LLPH: variants seen among roughly 807,000 people sequenced by gnomAD.
The protein encoded by LLPH is protein LLP homolog.
Under a neutral mutation model 13.3 loss-of-function variants are expected in LLPH, and 5 were observed. That is an observed-to-expected ratio of 0.38 (90% CI 0.20 to 0.79). LLPH has a LOEUF of 0.79. Among genes scored for constraint, LLPH ranks in the 30% least tolerant of loss-of-function variants. The pLI is 0.45. For missense variants in LLPH, 129 were observed against 152.1 expected (o/e 0.85, Z 0.80); for synonymous variants, 32 against 44.2 (o/e 0.72, Z 1.09).
Position 66,128,698 on chromosome 12 carries a change from G to A in LLPH, c.211+198C>T, listed in dbSNP as rs113257787. 5.1e-3 allele frequency among the ~76,000 whole-genome samples: 771 copies of A among 151,958 alleles called. 2 individuals are homozygous for A. The highest frequency in any genetic ancestry group is 8.7e-3 in the Non-Finnish European group (594 of 67,942). On this transcript the variant is annotated intron_variant, in intron 2 of 2. Transcript: ENST00000266604. ...TTTGTTTTTAAATGAAGCGCAGAGG[G>A]GCTGGGCACTGTGGTTCATGCCTGT... is the stretch of plus-strand genomic sequence containing the variant.
In LLPH at chr12:66,119,791, C is replaced by T. The variant is rs535513192; in HGVS notation, c.*4049G>A. On this transcript the variant is annotated 3_prime_UTR_variant, in exon 3 of 3. Coordinates refer to ENST00000266604, the MANE Select transcript of LLPH (RefSeq NM_032338.4). ...TACACATTGCTGCCCCTCACCATCACCACCAGTCCATTTCAGATATTTGAT... is the reference window on the plus strand; with the variant it reads ...TACACATTGCTGCCCCTCACCATCATCACCAGTCCATTTCAGATATTTGAT... 3.3e-5 allele frequency: 5 copies of T among 152,212 alleles called. No homozygotes were observed. Among genetic ancestry groups the T allele is most frequent in the Non-Finnish European group, 7.3e-5 (5 of 68,036 alleles). 9.4% of individuals were successfully genotyped at this position (152,212 alleles called of 1,614,324 possible). A position where few individuals can be genotyped will look rare whatever the true frequency, so the allele number is the denominator to read the frequency against.
intron 2 of LLPH, among the ~76,000 whole-genome samples, chr12:66,127,192 T>C (rs932472606): frequency 6.6e-6 from 1 of 151,990 alleles, no homozygotes; most frequent in African/African-American, 2.4e-5. Context: ...GCAATTCCAC[T>C]TATCAAACAA....
chr12:66,129,244 C>T (rs961984961), intron 1 of LLPH, 131 bp from the exon 2 acceptor site: 3 of 646,190 alleles, frequency 4.6e-6, no homozygotes, highest in Non-Finnish European at 5.5e-6. Context: ...TCAATCTGTT[C>T]ACTTTTTAGG....
intron 2 of LLPH, among the ~76,000 whole-genome samples, chr12:66,126,243 G>A (rs189131988): frequency 4.4e-4 from 67 of 150,966 alleles, no homozygotes; most frequent in Admixed American, 1.9e-3. Context: ...AGAATGGCGC[G>A]AACCCGGGAG....
At chr12:66,130,274 C>G (rs2051526618) in intron 1 of LLPH, among the ~76,000 whole-genome samples, 1 of 152,280 alleles carries the variant, frequency 6.6e-6, no homozygotes, top group South Asian at 2.1e-4. Flanking sequence ...ACCCTCTCCC[C>G]AGACTGTAGA....
rs1381081652 is a variant in LLPH, at chr12:66,119,573, T to C, written c.*4267A>G. On this transcript the variant is annotated 3_prime_UTR_variant, in exon 3 of 3. Transcript: ENST00000266604. ...GTTTTTATTAATACATGCAGGCAAA[T>C]AGAGGGAAAAAGACATATATTTTGT... is the stretch of plus-strand genomic sequence containing the variant. 1 of 152,192 alleles carries C rather than the reference T, an allele frequency of 6.6e-6. No homozygotes were observed. The highest frequency in any genetic ancestry group is 1.5e-5 in the Non-Finnish European group (1 of 68,026). The allele number at this position is 152,192 out of a possible 1,614,324, so 9.4% of individuals were successfully genotyped here.
chr12:66,116,607 A>G lies in LLPH; in HGVS notation c.*7233T>C, dbSNP rs1035118298. On this transcript the variant is annotated 3_prime_UTR_variant, in exon 3 of 3. Transcript: ENST00000266604. The stretch of plus-strand genomic sequence containing the variant: ...GATCAGAAATACCACATGTACTAAC[A>G]GTTGCTGTACAATGATACACAACAC... The G allele has an allele frequency of 1.3e-5, 2 of 152,248 alleles. No homozygotes were observed. Among genetic ancestry groups the G allele is most frequent in the Admixed American group, 1.3e-4 (2 of 15,284 alleles). The allele number at this position is 152,248 out of a possible 1,614,324, so 9.4% of individuals were successfully genotyped here. A position where few individuals can be genotyped will look rare whatever the true frequency, so the allele number is the denominator to read the frequency against.
In LLPH at chr12:66,123,961, T is replaced by C. The variant is rs2051480606; in HGVS notation, c.269A>G (p.His90Arg). ...GTTCATCCATATTGGGTACTGTCCA[T>C]GCTGGTCTAGAAGAGTCTTTTTGTT... is the stretch of plus-strand genomic sequence containing the variant. Reference protein sequence around the residue: ...KRNKKTLLDQHGQYPIWMNQR... With the variant: ...KRNKKTLLDQRGQYPIWMNQR... Residue 90 changes from histidine (H) to arginine (R), a missense_variant, in exon 3 of 3, where the codon CAT becomes CGT. His to Arg is a conservative substitution (Grantham distance 29). Transcript: ENST00000266604. The C allele has an allele frequency of 2.5e-6, 4 of 1,612,994 alleles. No homozygotes were observed. The highest frequency in any genetic ancestry group is 1.3e-5 in the African/African-American group (1 of 75,016).
In LLPH at chr12:66,116,944, A is replaced by C. The variant is rs2051431808; in HGVS notation, c.*6896T>G. 6.6e-6 allele frequency: 1 copy of C among 152,224 alleles called. No homozygotes were observed. The highest frequency in any genetic ancestry group is 1.5e-5 in the Non-Finnish European group (1 of 68,038). 9.4% of individuals were successfully genotyped at this position (152,224 alleles called of 1,614,324 possible). ...CTTAATGGAACGAATACCAGACCTA[A>C]CATTAACAAAATTAAAGAGATTTCA... On this transcript the variant is annotated 3_prime_UTR_variant, in exon 3 of 3. Coordinates refer to ENST00000266604, the MANE Select transcript of LLPH (RefSeq NM_032338.4).
intron 1 of LLPH, 142 bp downstream of exon 1, chr12:66,130,563 C>A (rs1394016273): frequency 5.3e-5 from 8 of 152,366 alleles, no homozygotes; most frequent in Non-Finnish European, 4.4e-5. Flanking sequence ...GCAAGGGGAA[C>A]CCTCGCCCTC....
rs1491142705 is a variant in LLPH, at chr12:66,120,941, T to TGC, written c.*2898_*2899insGC. On this transcript the variant is annotated 3_prime_UTR_variant, in exon 3 of 3. Transcript: ENST00000266604. ...GTGCCTTAGAGGGTACTGACAACAC[T>TGC]GTGTCAGTAAACTTCTCTTCAGCAG... is the stretch of plus-strand genomic sequence containing the variant. 1 of 152,188 alleles carries TGC rather than the reference T, an allele frequency of 6.6e-6. No homozygotes were observed. Among genetic ancestry groups the TGC allele is most frequent in the Non-Finnish European group, 1.5e-5 (1 of 68,044 alleles). The allele number at this position is 152,188 out of a possible 1,614,324, so 9.4% of individuals were successfully genotyped here. A position where few individuals can be genotyped will look rare whatever the true frequency, so the allele number is the denominator to read the frequency against.
chr12:66,129,122 A>G lies in LLPH; in HGVS notation c.-7-9T>C. The G allele has an allele frequency of 6.4e-7, 1 of 1,550,406 alleles. No individual in the cohort carries two copies. Among genetic ancestry groups the G allele is most frequent in the Non-Finnish European group, 8.8e-7 (1 of 1,131,190 alleles). ...TTTTAGCCATGTTTTACCTGAAGTT[A>G]ACAAAAACACACATTCAAAAGCAAA... On this transcript the variant is annotated splice_polypyrimidine_tract_variant and intron_variant, in intron 1 of 2. Coordinates refer to ENST00000266604, the MANE Select transcript of LLPH (RefSeq NM_032338.4).
At position 66,120,418 on chromosome 12, in the gene LLPH, T is replaced by G. The variant is rs749296034; in HGVS notation, c.*3422A>C. The G allele has an allele frequency of 4.6e-5, 7 of 152,250 alleles. No individual in the cohort carries two copies. Among genetic ancestry groups the G allele is most frequent in the South Asian group, 4.1e-4 (2 of 4,836 alleles). The allele number at this position is 152,250 out of a possible 1,614,324, so 9.4% of individuals were successfully genotyped here. A position where few individuals can be genotyped will look rare whatever the true frequency, so the allele number is the denominator to read the frequency against. On this transcript the variant is annotated 3_prime_UTR_variant, in exon 3 of 3. Transcript: ENST00000266604. ...ATCCCAGATTTCAGTTTTAGTTGTA[T>G]GGCCTGTGTGCCTCAGTTTCCCCAT... is the stretch of plus-strand genomic sequence containing the variant.
In LLPH at chr12:66,121,712, C is replaced by T. The variant is rs886727233; in HGVS notation, c.*2128G>A. 1 of 151,662 alleles carries T rather than the reference C, an allele frequency of 6.6e-6. No individual in the cohort carries two copies. Among genetic ancestry groups the T allele is most frequent in the Non-Finnish European group, 1.5e-5 (1 of 68,034 alleles). The allele number at this position is 151,662 out of a possible 1,614,324, so 9.4% of individuals were successfully genotyped here. A position where few individuals can be genotyped will look rare whatever the true frequency, so the allele number is the denominator to read the frequency against. On this transcript the variant is annotated 3_prime_UTR_variant, in exon 3 of 3. Transcript: ENST00000266604. ...CCAGCCTGGGCAACATGGCGAAACCCTGTCTCTACAAAAATACAAAAATTA... is the reference window on the plus strand; with the variant it reads ...CCAGCCTGGGCAACATGGCGAAACCTTGTCTCTACAAAAATACAAAAATTA...
At position 66,118,573 on chromosome 12, in the gene LLPH, A is replaced by C. The variant is rs1364237829; in HGVS notation, c.*5267T>G. 1 of 152,084 alleles carries C rather than the reference A, an allele frequency of 6.6e-6. No individual in the cohort carries two copies. Among genetic ancestry groups the C allele is most frequent in the Non-Finnish European group, 1.5e-5 (1 of 68,022 alleles). 9.4% of individuals were successfully genotyped at this position (152,084 alleles called of 1,614,324 possible). A position where few individuals can be genotyped will look rare whatever the true frequency, so the allele number is the denominator to read the frequency against. ...ACACAAATACTTCCCATTGTGATAC[A>C]ATTGCCTACAGTACTCAGTACAGTA... On this transcript the variant is annotated 3_prime_UTR_variant, in exon 3 of 3. Transcript: ENST00000266604.
chr12:66,124,052 T>C (rs367812509), intron 2 of LLPH, 34 bp from the exon 3 acceptor site: 3 of 1,501,760 alleles, frequency 2.0e-6, no homozygotes, highest in South Asian at 2.4e-5. Context: ...ATTAACACCA[T>C]GTATGAAAAA....
At chr12:66,124,672 A>C (rs1178357557) in intron 2 of LLPH, among the ~76,000 whole-genome samples, 1 of 152,194 alleles carries the variant, frequency 6.6e-6, no homozygotes, top group African/African-American at 2.4e-5. Context: ...CAGGATACAC[A>C]AAGTCTTCTA....
At position 66,122,356 on chromosome 12, in the gene LLPH, T is replaced by G. The variant is rs542668073; in HGVS notation, c.*1484A>C. On this transcript the variant is annotated 3_prime_UTR_variant, in exon 3 of 3. Coordinates refer to ENST00000266604, the MANE Select transcript of LLPH (RefSeq NM_032338.4). ...GCCTTATTCTATTTCACATTTTACT[T>G]GAGTTCTCCTGGGAAGTTAACATCT... 4.6e-5 allele frequency: 7 copies of G among 152,164 alleles called. No individual in the cohort carries two copies. The highest frequency in any genetic ancestry group is 8.8e-5 in the Non-Finnish European group (6 of 68,038). The allele number at this position is 152,164 out of a possible 1,614,324, so 9.4% of individuals were successfully genotyped here.
At chr12:66,128,718 G>A (rs908168340) in intron 2 of LLPH, among the ~76,000 whole-genome samples, 178 bp downstream of exon 2, 1 of 151,876 alleles carries the variant, frequency 6.6e-6, no homozygotes, top group Admixed American at 6.6e-5. Context: ...TGTGGTTCAT[G>A]CCTGTAACCC....
Sources: allele counts gnomAD v4.1 joint callset (sites outside exome capture counted in the v4.1 genomes callset), GRCh38; gene constraint gnomAD v4.1.1; transcripts MANE v1.5; gene names NCBI Gene and HGNC (gene_info 2026-07-23, HGNC 2026-07-21).